Variants in FAT3 observed in about 807,000 individuals in gnomAD.
The protein encoded by FAT3 is FAT atypical cadherin 3, also known as protocadherin Fat 3.
In FAT3, 95 loss-of-function variants were observed where a neutral mutation model predicts 310.2. The ratio of observed to expected loss-of-function variants is 0.31; its 90% confidence interval spans 0.26 to 0.36. The LOEUF (loss-of-function observed/expected upper bound fraction) is 0.36. Among genes scored for constraint, FAT3 ranks in the 10% least tolerant of loss-of-function variants. The probability of loss-of-function intolerance (pLI) is 1.00; values close to 1 mark genes in which losing one functional copy is unlikely to be tolerated. For synonymous variants in FAT3, 2,314 were observed against 2,192.9 expected, an observed-to-expected ratio of 1.06 and a Z score of -1.54; for missense variants, 5,408 against 5,715.6, an observed-to-expected ratio of 0.95 and a Z score of 1.74.
intron 13 of FAT3, among the ~76,000 whole-genome samples, chr11:92,812,513 C>G (rs1359191295): frequency 6.7e-6 from 1 of 150,320 alleles, no homozygotes; most frequent in African/African-American, 2.5e-5. Context: ...ACCCGGGAGG[C>G]GGAGGTTGCA....
intron 22 of FAT3, among the ~76,000 whole-genome samples, chr11:92,880,116 G>A (rs1350003519): frequency 6.6e-6 from 1 of 151,582 alleles, no homozygotes; most frequent in Non-Finnish European, 1.5e-5. Context: ...ATTTCTGCAT[G>A]ATGGGCTTAT....
At chr11:92,282,160 C>T (rs2134367197) in intron 1 of FAT3, among the ~76,000 whole-genome samples, 1 of 152,210 alleles carries the variant, frequency 6.6e-6, no homozygotes, top group African/African-American at 2.4e-5. Context: ...CCTGCCTCAG[C>T]CTCCCAAAGA....
chr11:92,718,935 G>A (rs890733570), intron 4 of FAT3, among the ~76,000 whole-genome samples: 3 of 152,096 alleles, frequency 2.0e-5, no homozygotes, highest in African/African-American at 7.2e-5. Flanking sequence ...CTAAAGAAAC[G>A]GGTAAGAAAT....
intron 1 of FAT3, among the ~76,000 whole-genome samples, chr11:92,292,140 A>G (rs1946709967): frequency 1.3e-5 from 2 of 152,050 alleles, no homozygotes; most frequent in African/African-American, 4.8e-5. Flanking sequence ...AAGTGTATTT[A>G]TTAATGGATA....
At chr11:92,380,164 G>C (rs12786170) in intron 2 of FAT3, among the ~76,000 whole-genome samples, 1 of 151,788 alleles carries the variant, frequency 6.6e-6, no homozygotes, top group African/African-American at 2.4e-5. Context: ...GTGTGAGGAA[G>C]GTTAAATTTG....
In FAT3 at chr11:92,837,916, C is replaced by T; in HGVS notation, c.10368+110C>T. The T allele has an allele frequency of 2.3e-6, 3 of 1,319,242 alleles. 1 individual carries two copies. Among genetic ancestry groups the T allele is most frequent in the Non-Finnish European group, 3.2e-6 (3 of 928,542 alleles). The allele number at this position is 1,319,242 out of a possible 1,614,324, so 81.7% of individuals were successfully genotyped here. A position where few individuals can be genotyped will look rare whatever the true frequency, so the allele number is the denominator to read the frequency against. The stretch of plus-strand genomic sequence containing the variant: ...CTACTATTACTTAATGTCATCTCAT[C>T]CCTTCATAGGGCAGGTATGAAAAAG... On this transcript the variant is annotated intron_variant, in intron 17 of 27. Coordinates refer to ENST00000525166, the MANE Select transcript of FAT3 (RefSeq NM_001367949.2).
At chr11:92,406,855 GGCAA>G (rs1176504971) in intron 2 of FAT3, 1 of 152,220 alleles carries the variant, frequency 6.6e-6, no homozygotes, top group Admixed American at 6.5e-5. Context: ...CATCCTAGCA[GGCAA>G]ACACTAGACA....
intron 15 of FAT3, among the ~76,000 whole-genome samples, chr11:92,835,746 A>G (rs1271487309): frequency 6.6e-6 from 1 of 152,200 alleles, no homozygotes; most frequent in African/African-American, 2.4e-5. Flanking sequence ...ACACACAGAC[A>G]CACAGAGTTG....
At chr11:92,593,634 C>T (rs1335201795) in intron 3 of FAT3, among the ~76,000 whole-genome samples, 1 of 152,084 alleles carries the variant, frequency 6.6e-6, no homozygotes, top group African/African-American at 2.4e-5. Context: ...TATCTTCTAC[C>T]TTCTAGAAGG....
chr11:92,518,432 G>A (rs938810700), intron 2 of FAT3, among the ~76,000 whole-genome samples: 1 of 151,986 alleles, frequency 6.6e-6, no homozygotes, highest in Non-Finnish European at 1.5e-5. Context: ...GACCCTGCAC[G>A]TTCTCACTCA....
At chr11:92,890,264 T>A (rs1338515403) in intron 27 of FAT3, among the ~76,000 whole-genome samples, 1 of 152,212 alleles carries the variant, frequency 6.6e-6, no homozygotes, top group African/African-American at 2.4e-5. Context: ...TCTCATGGCA[T>A]GGCTGAGTGT....
intron 2 of FAT3, among the ~76,000 whole-genome samples, chr11:92,494,163 A>G (rs1405156333): frequency 6.6e-6 from 1 of 151,820 alleles, no homozygotes; most frequent in Non-Finnish European, 1.5e-5. Flanking sequence ...ATTAGATCTC[A>G]TTGAGAACTC....
At chr11:92,647,671 A>T (rs950838964) in intron 3 of FAT3, among the ~76,000 whole-genome samples, 1 of 152,156 alleles carries the variant, frequency 6.6e-6, no homozygotes, top group East Asian at 1.9e-4. Flanking sequence ...GTCCAGTAAG[A>T]TACATTTCCT....
chr11:92,683,877 C>T (rs905808941), intron 3 of FAT3, among the ~76,000 whole-genome samples: 1 of 152,102 alleles, frequency 6.6e-6, no homozygotes, highest in African/African-American at 2.4e-5. Flanking sequence ...AGTGCCAAGG[C>T]ATTAATGTGA....
In FAT3 at chr11:92,288,155, G is replaced by A. The variant is rs766255479; in HGVS notation, c.-18+62981G>A. On this transcript the variant is annotated intron_variant, in intron 1 of 27. Coordinates refer to ENST00000525166, the MANE Select transcript of FAT3 (RefSeq NM_001367949.2). Reference sequence around the variant, plus strand: ...ACTATTCAGCCTGTAAAACAAAGGAGATTCTGCAATATATGACAACATGGA... The same window carrying A: ...ACTATTCAGCCTGTAAAACAAAGGAAATTCTGCAATATATGACAACATGGA... Among the ~76,000 whole-genome samples, 3 of 152,128 alleles carry A rather than the reference G, an allele frequency of 2.0e-5. No individual in the cohort carries two copies. In the East Asian group the frequency reaches 5.8e-4, roughly 29 times the overall value.
At chr11:92,868,894 A>T (rs1949314860) in intron 22 of FAT3, among the ~76,000 whole-genome samples, 1 of 152,138 alleles carries the variant, frequency 6.6e-6, no homozygotes, top group South Asian at 2.1e-4. Context: ...TCTATTTTTA[A>T]ATCTCTTCAT....
At chr11:92,611,488 A>G (rs1940559788) in intron 3 of FAT3, among the ~76,000 whole-genome samples, 1 of 151,812 alleles carries the variant, frequency 6.6e-6, no homozygotes, top group Admixed American at 6.6e-5. Context: ...GCCCACTGCA[A>G]CCTCCACCTC....
At chr11:92,645,263 A>C (rs996462169) in intron 3 of FAT3, among the ~76,000 whole-genome samples, 1 of 152,260 alleles carries the variant, frequency 6.6e-6, no homozygotes, top group Non-Finnish European at 1.5e-5. Flanking sequence ...ATTTGTATGC[A>C]CAAGGAAAAC....
intron 2 of FAT3, among the ~76,000 whole-genome samples, chr11:92,421,789 A>T (rs917398376): frequency 1.3e-5 from 2 of 152,100 alleles, no homozygotes; most frequent in African/African-American, 4.8e-5. Flanking sequence ...GGTAGGTGAA[A>T]TGCTAAGGCA....
Sources: gnomAD v4.1 joint callset for allele counts (sites outside exome capture counted in the v4.1 genomes callset) on GRCh38, gnomAD v4.1.1 for gene constraint, MANE v1.5 for transcripts, NCBI Gene and HGNC (gene_info 2026-07-23, HGNC 2026-07-21) for gene names.